The following EBF1 variants were observed in gnomAD, a reference collection of about 807,000 sequenced individuals.
EBF1 encodes the protein transcription factor COE1.
In EBF1, 10 loss-of-function variants were observed where a neutral mutation model predicts 68.4. That is an observed-to-expected ratio of 0.15 (90% confidence interval 0.09 to 0.25). EBF1 has a LOEUF of 0.25. EBF1 is among the 10% of genes least tolerant of loss of function. The probability of loss-of-function intolerance (pLI) is 1.00; values close to 1 mark genes in which losing one functional copy is unlikely to be tolerated. For synonymous variants in EBF1, 298 were observed against 299.8 expected (o/e 0.99, Z 0.06); for missense variants, 509 against 794.4 (o/e 0.64, Z 4.32).
intron 10 of EBF1, among the ~76,000 whole-genome samples, chr5:158,733,651 A>G (rs1037243084): frequency 1.3e-5 from 2 of 152,310 alleles, no homozygotes; most frequent in East Asian, 1.9e-4. Flanking sequence ...GACGTGTACT[A>G]TGAGAGAGGA....
At chr5:158,938,967 T>C (rs1812675290) in intron 6 of EBF1, among the ~76,000 whole-genome samples, 2 of 152,350 alleles carry the variant, frequency 1.3e-5, no homozygotes, top group African/African-American at 4.8e-5. Flanking sequence ...GATTTAAGTA[T>C]GGAATCACTG....
chr5:158,863,841 A>G (rs529853661), intron 6 of EBF1, among the ~76,000 whole-genome samples: 1 of 152,334 alleles, frequency 6.6e-6, no homozygotes, highest in East Asian at 1.9e-4. Flanking sequence ...TATTTTACGT[A>G]AATGATGCCA....
chr5:158,767,062 T>C (rs978981927), intron 10 of EBF1, among the ~76,000 whole-genome samples: 1 of 152,164 alleles, frequency 6.6e-6, no homozygotes, highest in African/African-American at 2.4e-5. Context: ...AATTTATAAT[T>C]TAGAAATGGC....
chr5:158,775,132 C>T (rs1394265278), intron 10 of EBF1, among the ~76,000 whole-genome samples: 1 of 151,990 alleles, frequency 6.6e-6, no homozygotes, highest in Non-Finnish European at 1.5e-5. Context: ...CTTTTCTAGG[C>T]TTGAAAATCC....
chr5:158,876,088 CA>C (rs1410583198), intron 6 of EBF1, among the ~76,000 whole-genome samples: 1 of 151,998 alleles, frequency 6.6e-6, no homozygotes, highest in Non-Finnish European at 1.5e-5. Context: ...GTTTAGAGGC[CA>C]AAAAACTGTT....
At position 158,853,195 on chromosome 5, in the gene EBF1, C is replaced by T. The variant is rs549019661; in HGVS notation, c.555-13085G>A. On this transcript the variant is annotated intron_variant, in intron 6 of 15. Coordinates refer to ENST00000313708, the MANE Select transcript of EBF1 (RefSeq NM_024007.5). The stretch of plus-strand genomic sequence containing the variant: ...TATTCTCTTTTTTAGAGAACAACTT[C>T]GCCCTCACTCAAGAGTCTTTACATT... Among the ~76,000 whole-genome samples the T allele has an allele frequency of 7.1e-4, 108 of 152,300 alleles. 3 individuals are homozygous for T. In the South Asian group the frequency reaches 0.02, roughly 29 times the overall value.
chr5:158,982,795 T>C (rs1287984460), intron 6 of EBF1, among the ~76,000 whole-genome samples: 1 of 143,346 alleles, frequency 7.0e-6, no homozygotes, highest in African/African-American at 2.5e-5. Flanking sequence ...TATATATATA[T>C]AGTGGTCTAA....
At chr5:158,854,193 G>T (rs1793523647) in intron 6 of EBF1, among the ~76,000 whole-genome samples, 1 of 152,240 alleles carries the variant, frequency 6.6e-6, no homozygotes, top group Non-Finnish European at 1.5e-5. Flanking sequence ...CAAAGTGGCA[G>T]CAAGTCATTT....
chr5:158,909,417 T>C (rs1435693021), intron 6 of EBF1, among the ~76,000 whole-genome samples: 1 of 152,198 alleles, frequency 6.6e-6, no homozygotes, highest in Non-Finnish European at 1.5e-5. Context: ...CCATGTTAAC[T>C]AGAGGACCAA....
intron 10 of EBF1, among the ~76,000 whole-genome samples, chr5:158,763,646 G>A (rs999676291): frequency 2.0e-5 from 3 of 152,126 alleles, no homozygotes; most frequent in African/African-American, 7.2e-5. Flanking sequence ...CTTTCCTTGA[G>A]AGTTTACTGA....
At chr5:158,758,343 A>G (rs1244025164) in intron 10 of EBF1, among the ~76,000 whole-genome samples, 1 of 152,190 alleles carries the variant, frequency 6.6e-6, no homozygotes, top group Admixed American at 6.6e-5. Context: ...CCTGTCTCAA[A>G]TTAAAAAGAA....
intron 6 of EBF1, among the ~76,000 whole-genome samples, chr5:158,994,142 CAGA>C (rs1277550881): frequency 1.3e-5 from 2 of 152,166 alleles, no homozygotes. Context: ...GGGTGCGTCT[CAGA>C]AGGAGAACAA....
intron 6 of EBF1, chr5:159,019,144 T>G (rs1766178640): frequency 6.6e-6 from 1 of 152,122 alleles, no homozygotes; most frequent in African/African-American, 2.4e-5. Flanking sequence ...CAGAGAAAAG[T>G]TTTTAAATGT....
At chr5:159,085,660 G>A (rs1311991974) in intron 4 of EBF1, among the ~76,000 whole-genome samples, 6 of 152,084 alleles carry the variant, frequency 3.9e-5, no homozygotes, top group Admixed American at 3.9e-4. Context: ...AATATCACAC[G>A]GCTTCAAATT....
intron 6 of EBF1, among the ~76,000 whole-genome samples, chr5:158,857,685 A>G (rs1186436412): frequency 6.6e-6 from 1 of 152,162 alleles, no homozygotes; most frequent in Non-Finnish European, 1.5e-5. Flanking sequence ...AGTTTTCCAT[A>G]CTAAAAATGG....
At chr5:159,053,111 CAGAAT>C (rs1372760672) in intron 6 of EBF1, among the ~76,000 whole-genome samples, 6 of 152,170 alleles carry the variant, frequency 3.9e-5, no homozygotes, top group African/African-American at 1.2e-4. Context: ...TAAATAGAGG[CAGAAT>C]AGTGTTATGA....
At chr5:159,031,997 A>G (rs1183973948) in intron 6 of EBF1, among the ~76,000 whole-genome samples, 2 of 152,200 alleles carry the variant, frequency 1.3e-5, no homozygotes, top group Admixed American at 6.5e-5. Flanking sequence ...ATGTTGAACT[A>G]TGTATTTCTT....
At chr5:159,049,447 G>T (rs1773098367) in intron 6 of EBF1, among the ~76,000 whole-genome samples, 1 of 152,148 alleles carries the variant, frequency 6.6e-6, no homozygotes, top group African/African-American at 2.4e-5. Flanking sequence ...CACTCAAAAT[G>T]TTTGAGTCTT....
At chr5:158,953,636 G>C (rs770367596) in intron 6 of EBF1, among the ~76,000 whole-genome samples, 1 of 152,216 alleles carries the variant, frequency 6.6e-6, no homozygotes, top group Non-Finnish European at 1.5e-5. Flanking sequence ...AGTTTGGAAA[G>C]ATAAAATGGT....
Sources: gnomAD v4.1 joint callset for allele counts (sites outside exome capture counted in the v4.1 genomes callset) on GRCh38, gnomAD v4.1.1 for gene constraint, MANE v1.5 for transcripts, NCBI Gene and HGNC (gene_info 2026-07-23, HGNC 2026-07-21) for gene names.